Variants in RFTN1 observed in about 807,000 individuals in gnomAD.
The protein encoded by RFTN1 is raftlin.
RFTN1 carries 26 observed loss-of-function variants against 46.5 expected under a neutral mutation model. The ratio of observed to expected loss-of-function variants is 0.56; its 90% CI spans 0.41 to 0.78. RFTN1 has a LOEUF of 0.78. Among genes scored for constraint, RFTN1 ranks in the 30% least tolerant of loss-of-function variants. The pLI, the probability that RFTN1 is intolerant of heterozygous loss-of-function variation, is 0.00. For synonymous variants in RFTN1, 261 were observed against 284.2 expected, an observed-to-expected ratio of 0.92 and a Z score of 0.82; for missense variants, 693 against 718.7, an observed-to-expected ratio of 0.96 and a Z score of 0.41.
chr3:16,451,049 A>C lies in RFTN1; in HGVS notation c.146-17012T>G, dbSNP rs1021012770. On this transcript the variant is annotated intron_variant, in intron 2 of 9. Coordinates refer to ENST00000334133, the MANE Select transcript of RFTN1 (RefSeq NM_015150.2). This position sits in a 1 kb window ranked among gnomAD's most constrained non-coding sequence, Gnocchi z 4.2. ...AAAACGGAGGCTCACGTACCTGTGC[A>C]TAAATGCTCACTAAGGTCAGGGGCT... 6.6e-6 allele frequency among the ~76,000 whole-genome samples: 1 copy of C among 152,226 alleles called. No individual in the cohort carries two copies. The highest frequency in any genetic ancestry group is 1.5e-5 in the Non-Finnish European group (1 of 68,048).
In RFTN1 at chr3:16,429,836, C is replaced by G. The variant is rs1300958200; in HGVS notation, c.332+4015G>C. On this transcript the variant is annotated intron_variant, in intron 3 of 9. Coordinates refer to ENST00000334133, the MANE Select transcript of RFTN1 (RefSeq NM_015150.2). This position sits in a 1 kb window ranked among gnomAD's most constrained non-coding sequence, Gnocchi z 6.4. ...TTCACAGAGTCATCTCATGGTGATT[C>G]TTGGTAATGAAGTTCACTTGGGTCA... 6.6e-6 allele frequency among the ~76,000 whole-genome samples: 1 copy of G among 152,156 alleles called. No homozygotes were observed. The highest frequency in any genetic ancestry group is 1.5e-5 in the Non-Finnish European group (1 of 68,024).
chr3:16,325,523 A>G (rs1340307306), intron 8 of RFTN1, among the ~76,000 whole-genome samples: 2 of 152,194 alleles, frequency 1.3e-5, no homozygotes, highest in African/African-American at 4.8e-5. Flanking sequence ...CAGAGAAGCT[A>G]TGTCACTTGA....
chr3:16,358,127 C>CCACTGCAT (rs2072575368), intron 6 of RFTN1, 80 bp from the exon 7 acceptor site: 1 of 770,186 alleles, frequency 1.3e-6, no homozygotes, highest in Admixed American at 1.9e-5. Flanking sequence ...GCAAACATTT[C>CCACTGCAT]CACTGCATTC....
chr3:16,369,614 G>C (rs914005009), intron 6 of RFTN1, among the ~76,000 whole-genome samples: 1 of 152,234 alleles, frequency 6.6e-6, no homozygotes, highest in Non-Finnish European at 1.5e-5. Flanking sequence ...TGGGAACAGT[G>C]TGTGTCTCAG....
chr3:16,471,955 A>C (rs2076203768), intron 2 of RFTN1: 1 of 152,116 alleles, frequency 6.6e-6, no homozygotes, highest in Non-Finnish European at 1.5e-5. Context: ...CTCAGAATTC[A>C]CTCACACATA....
intron 4 of RFTN1, among the ~76,000 whole-genome samples, chr3:16,404,357 T>TA (rs1265396024): frequency 3.4e-5 from 2 of 59,424 alleles, no homozygotes; most frequent in African/African-American, 1.5e-4. Flanking sequence ...ATATAATATA[T>TA]ATACACAATA....
intron 7 of RFTN1, chr3:16,349,892 C>T (rs888538784): frequency 2.6e-5 from 4 of 152,202 alleles, no homozygotes; most frequent in Admixed American, 1.3e-4. Flanking sequence ...CAGCAGGAGT[C>T]GATGTTGCAG....
chr3:16,406,065 TC>T (rs906719202), intron 4 of RFTN1, among the ~76,000 whole-genome samples: 1 of 152,220 alleles, frequency 6.6e-6, no homozygotes, highest in African/African-American at 2.4e-5. Context: ...GCATACTTCT[TC>T]CTGGGAAGCA....
At position 16,403,555 on chromosome 3, in the gene RFTN1, G is replaced by GAC. The variant is rs1272276008; in HGVS notation, c.441+5819_441+5820insGT. ...CAGCAGCATATGAGAGACAGAGACAGAGACACACACACACACACATATATT... is the reference window on the plus strand; with the variant it reads ...CAGCAGCATATGAGAGACAGAGACAGACAGACACACACACACACACATATATT... On this transcript the variant is annotated intron_variant, in intron 4 of 9. Coordinates refer to ENST00000334133, the MANE Select transcript of RFTN1 (RefSeq NM_015150.2). Among the ~76,000 whole-genome samples, 4 of 56,250 alleles carry GAC rather than the reference G, an allele frequency of 7.1e-5. 1 individual carries two copies. The highest frequency in any genetic ancestry group is 4.2e-4 in the African/African-American group (4 of 9,464). 36.9% of individuals were successfully genotyped at this position (56,250 alleles called of 152,430 possible). A position where few individuals can be genotyped will look rare whatever the true frequency, so the allele number is the denominator to read the frequency against.
At position 16,513,646 on chromosome 3, in the gene RFTN1, G is replaced by T. The variant is rs1346268981; in HGVS notation, c.-213C>A. 1 of 151,006 alleles carries T rather than the reference G, an allele frequency of 6.6e-6. No homozygotes were observed. The highest frequency in any genetic ancestry group is 1.8e-4 in the South Asian group (1 of 5,568). The allele number at this position is 151,006 out of a possible 1,614,324, so 9.4% of individuals were successfully genotyped here. A position where few individuals can be genotyped will look rare whatever the true frequency, so the allele number is the denominator to read the frequency against. On this transcript the variant is annotated 5_prime_UTR_variant, in exon 1 of 10. Transcript: ENST00000334133. This position sits in a 1 kb window ranked among gnomAD's most constrained non-coding sequence, Gnocchi z 5.4. ...GCGTCTGTCCCTCGCCGGAGCCCGC[G>T]GCCGCCGCGCTCTCGCTCGCTGCGC...
In RFTN1 at chr3:16,452,287, G is replaced by A. The variant is rs1405138432; in HGVS notation, c.146-18250C>T. Among the ~76,000 whole-genome samples, 1 of 152,072 alleles carries A rather than the reference G, an allele frequency of 6.6e-6. No homozygotes were observed. Among genetic ancestry groups the A allele is most frequent in the African/African-American group, 2.4e-5 (1 of 41,388 alleles). Reference sequence around the variant, plus strand: ...AAAGAAAACTAAAAAAAAAATAATAGCTGTCAAGGTAGATGAAGGTAAGGA... The same window carrying A: ...AAAGAAAACTAAAAAAAAAATAATAACTGTCAAGGTAGATGAAGGTAAGGA... On this transcript the variant is annotated intron_variant, in intron 2 of 9. Transcript: ENST00000334133. This position sits in a 1 kb window ranked among gnomAD's most constrained non-coding sequence, Gnocchi z 6.3.
intron 4 of RFTN1, among the ~76,000 whole-genome samples, chr3:16,408,626 C>T (rs1410602050): frequency 7.3e-6 from 1 of 137,274 alleles, no homozygotes; most frequent in African/African-American, 2.7e-5. Flanking sequence ...TTCACTAGTT[C>T]GGCTGTTTTA....
At chr3:16,396,329 C>T (rs1023793295) in intron 4 of RFTN1, among the ~76,000 whole-genome samples, 2 of 152,110 alleles carry the variant, frequency 1.3e-5, no homozygotes, top group African/African-American at 2.4e-5. Context: ...TTCTCTGTCA[C>T]CCAGGCTGGA....
intron 4 of RFTN1, among the ~76,000 whole-genome samples, chr3:16,388,027 C>T (rs746825298): frequency 6.6e-5 from 10 of 152,212 alleles, no homozygotes; most frequent in South Asian, 2.1e-4. Flanking sequence ...AACTCTCCAA[C>T]GATGTCCCAT....
At position 16,451,454 on chromosome 3, in the gene RFTN1, T is replaced by C. The variant is rs2075822418; in HGVS notation, c.146-17417A>G. Among the ~76,000 whole-genome samples, 1 of 152,020 alleles carries C rather than the reference T, an allele frequency of 6.6e-6. No individual in the cohort carries two copies. Among genetic ancestry groups the C allele is most frequent in the South Asian group, 2.1e-4 (1 of 4,820 alleles). ...CTAACCAACAGCTGGCTAGGTGTAG[T>C]CTCAAACCTGTTTATGCCAGTTGCA... On this transcript the variant is annotated intron_variant, in intron 2 of 9. Transcript: ENST00000334133. The surrounding 1 kb of genome is among the most constrained non-coding windows in gnomAD (Gnocchi z 4.2).
chr3:16,420,391 T>C (rs941919640), intron 3 of RFTN1, among the ~76,000 whole-genome samples: 3 of 152,208 alleles, frequency 2.0e-5, no homozygotes. Context: ...ATAAAAGCAG[T>C]CTGCCTGACA....
At chr3:16,393,651 C>CT (rs35917033) in intron 4 of RFTN1, among the ~76,000 whole-genome samples, 31,524 of 141,648 alleles carry the variant, frequency 0.22, 3,570 homozygotes, top group East Asian at 0.31. Flanking sequence ...AGCTGATGGA[C>CT]TTTTTTTTTT....
intron 3 of RFTN1, among the ~76,000 whole-genome samples, chr3:16,423,770 A>C (rs138483396): frequency 6.6e-6 from 1 of 152,298 alleles, no homozygotes; most frequent in African/African-American, 2.4e-5. Context: ...TGCTTGATGG[A>C]GTAATTTTGG....
chr3:16,324,511 G>A (rs913582465), intron 8 of RFTN1, among the ~76,000 whole-genome samples: 3 of 151,628 alleles, frequency 2.0e-5, no homozygotes, highest in Non-Finnish European at 2.9e-5. Flanking sequence ...TAGATTCCAC[G>A]TATGAGAGAG....
Sources: gnomAD v4.1 joint callset for allele counts (sites outside exome capture counted in the v4.1 genomes callset) on GRCh38, gnomAD v4.1.1 for gene constraint, Gnocchi (gnomAD v3.1) non-coding constraint, MANE v1.5 for transcripts, NCBI Gene and HGNC (gene_info 2026-07-23, HGNC 2026-07-21) for gene names.